Variants in RNGTT observed in about 807,000 individuals in gnomAD.
RNGTT encodes the protein mRNA-capping enzyme.
RNGTT carries 33 observed loss-of-function variants against 79.3 expected under a neutral mutation model. That is an observed-to-expected ratio of 0.42 (90% confidence interval 0.32 to 0.56). The LOEUF (loss-of-function observed/expected upper bound fraction) is 0.56. RNGTT is among the 20% of genes least tolerant of loss of function. RNGTT has a pLI of 0.17. For missense variants in RNGTT, 497 were observed against 739.1 expected (o/e 0.67, Z 3.80); for synonymous variants, 222 against 235.9 (o/e 0.94, Z 0.54).
chr6:88,909,946 C>T (rs1783778797), intron 4 of RNGTT, among the ~76,000 whole-genome samples: 1 of 151,372 alleles, frequency 6.6e-6, no homozygotes, highest in Admixed American at 6.6e-5. Flanking sequence ...CACCATCAAA[C>T]TCTCAAGGGA....
At chr6:88,890,649 A>G in intron 7 of RNGTT, 53 bp from the exon 8 acceptor site, 1 of 1,226,836 alleles carries the variant, frequency 8.2e-7, no homozygotes, top group Non-Finnish European at 1.2e-6. Flanking sequence ...ACAAAGCAAT[A>G]CATGTCTTAA....
chr6:88,646,175 A>G (rs956871870), intron 14 of RNGTT, among the ~76,000 whole-genome samples: 22 of 152,262 alleles, frequency 1.4e-4, no homozygotes, highest in African/African-American at 4.6e-4. Flanking sequence ...CCCATCAAAA[A>G]GTGGGCAAAG....
intron 13 of RNGTT, among the ~76,000 whole-genome samples, chr6:88,715,904 G>A (rs564324515): frequency 0.011 from 1,707 of 152,188 alleles, 15 homozygotes; most frequent in Admixed American, 0.018. Context: ...ACATAGGCAT[G>A]GGCAAGGACT....
At position 88,928,992 on chromosome 6, in the gene RNGTT, T is replaced by A. The variant is rs758927385; in HGVS notation, c.360A>T (p.Glu120Asp). The change falls in exon 4 of 16, where the codon GAA becomes GAT. Residue 120 changes from glutamate to aspartate, a missense_variant. This residue lies in a region of RNGTT where 440 missense variants were observed against 671.5 expected (regional missense o/e 0.66). Transcript: ENST00000369485. ...CERFNERNPP[E>D]LIGVHCTHGF... ...AAGTAAAGCCAAACATACCTATAAG[T>A]TCAGGTGGATTTCTTTCATTAAACC... 1.1e-5 allele frequency: 17 copies of A among 1,607,978 alleles called. No homozygotes were observed. The highest frequency in any genetic ancestry group is 1.4e-5 in the Non-Finnish European group (17 of 1,177,006).
intron 12 of RNGTT, among the ~76,000 whole-genome samples, chr6:88,795,540 TG>T (rs373999539): frequency 3.8e-4 from 58 of 151,866 alleles, no homozygotes; most frequent in African/African-American, 1.4e-3. Flanking sequence ...TGTGGGGGGT[TG>T]GGGGCTAGGG....
At chr6:88,794,208 A>C (rs547499808) in intron 12 of RNGTT, among the ~76,000 whole-genome samples, 28 of 152,334 alleles carry the variant, frequency 1.8e-4, no homozygotes, top group African/African-American at 5.8e-4. Context: ...TCTGAAGAGA[A>C]TATGCAGAGG....
chr6:88,657,425 T>C (rs1012749586), intron 14 of RNGTT, among the ~76,000 whole-genome samples: 1 of 152,018 alleles, frequency 6.6e-6, no homozygotes, highest in Non-Finnish European at 1.5e-5. Context: ...CTGAGAGAGG[T>C]CCTTGGGGAA....
intron 1 of RNGTT, among the ~76,000 whole-genome samples, chr6:88,961,298 T>C (rs567731952): frequency 2.6e-5 from 4 of 152,244 alleles, no homozygotes; most frequent in South Asian, 2.1e-4. Flanking sequence ...GAGTTAACAG[T>C]TAATAAACTC....
intron 1 of RNGTT, among the ~76,000 whole-genome samples, chr6:88,944,891 G>A (rs539668930): frequency 2.0e-5 from 3 of 152,220 alleles, no homozygotes; most frequent in Admixed American, 6.5e-5. Context: ...ACCTGGCATT[G>A]GGGGAAAGGG....
chr6:88,940,617 T>C (rs967755318), intron 2 of RNGTT, among the ~76,000 whole-genome samples: 1 of 152,158 alleles, frequency 6.6e-6, no homozygotes, highest in Non-Finnish European at 1.5e-5. Context: ...GGCATTCTCT[T>C]AAATGGAAAA....
intron 13 of RNGTT, among the ~76,000 whole-genome samples, chr6:88,753,396 A>G (rs1777902701): frequency 6.6e-6 from 1 of 151,872 alleles, no homozygotes; most frequent in Non-Finnish European, 1.5e-5. Flanking sequence ...CCAGCTACTC[A>G]GGAGCCCAAA....
chr6:88,792,544 C>G (rs569424690), intron 12 of RNGTT, among the ~76,000 whole-genome samples: 18 of 152,266 alleles, frequency 1.2e-4, no homozygotes, highest in Admixed American at 4.6e-4. Context: ...CTTTCTTTAG[C>G]AGAATATCAT....
chr6:88,829,701 CAA>C (rs766593092), intron 11 of RNGTT, among the ~76,000 whole-genome samples: 26 of 47,590 alleles, frequency 5.5e-4, no homozygotes, highest in East Asian at 1.5e-3. Context: ...AAATGGAAAG[CAA>C]AAAAAAAAAA....
intron 14 of RNGTT, among the ~76,000 whole-genome samples, chr6:88,649,551 G>C (rs1773715528): frequency 6.6e-6 from 1 of 152,146 alleles, no homozygotes; most frequent in Non-Finnish European, 1.5e-5. Flanking sequence ...CAAAAAATTA[G>C]CTGGGCGTGG....
chr6:88,903,631 AAAC>A (rs1212026173), intron 6 of RNGTT, among the ~76,000 whole-genome samples: 1 of 152,254 alleles, frequency 6.6e-6, no homozygotes, highest in Admixed American at 6.5e-5. Context: ...ATTGTTTTAC[AAAC>A]AAAAAAAAAT....
At chr6:88,616,760 T>C (rs531707519) in intron 14 of RNGTT, among the ~76,000 whole-genome samples, 10 of 152,322 alleles carry the variant, frequency 6.6e-5, no homozygotes, top group Non-Finnish European at 1.5e-4. Context: ...TGTTGAGATG[T>C]AGGAGTTCCT....
At chr6:88,885,669 A>C (rs550768852) in intron 8 of RNGTT, among the ~76,000 whole-genome samples, 1 of 152,358 alleles carries the variant, frequency 6.6e-6, no homozygotes, top group Non-Finnish European at 1.5e-5. Flanking sequence ...TCTCCCTCAC[A>C]GCTTCTTAAG....
intron 11 of RNGTT, among the ~76,000 whole-genome samples, chr6:88,811,947 C>T (rs751027559): frequency 5.3e-5 from 8 of 152,054 alleles, no homozygotes; most frequent in Admixed American, 5.2e-4. Context: ...ATTTGCACTC[C>T]CCTGGATACT....
chr6:88,960,471 C>T (rs1007301154), intron 1 of RNGTT, among the ~76,000 whole-genome samples: 2 of 152,186 alleles, frequency 1.3e-5, no homozygotes, highest in African/African-American at 4.8e-5. Context: ...CGGTAGCTCA[C>T]ACCTGTAATG....
Sources: gnomAD v4.1 joint callset for allele counts (sites outside exome capture counted in the v4.1 genomes callset) on GRCh38, gnomAD v4.1.1 for gene constraint, gnomAD v4.1.1 regional missense constraint, MANE v1.5 for transcripts, NCBI Gene and HGNC (gene_info 2026-07-23, HGNC 2026-07-21) for gene names.